The following NF2 variants were observed in gnomAD, a reference collection of about 807,000 sequenced individuals.
The protein encoded by NF2 is merlin.
NF2 carries 8 observed loss-of-function variants against 83.7 expected under a neutral mutation model. That is an observed-to-expected ratio of 0.10 (90% CI 0.06 to 0.17). The LOEUF (loss-of-function observed/expected upper bound fraction) is 0.17. NF2 is among the 10% of genes least tolerant of loss of function. The pLI is 1.00. For missense variants in NF2, 533 were observed against 744.4 expected, an observed-to-expected ratio of 0.72 and a Z score of 3.31; for synonymous variants, 266 against 269.6, an observed-to-expected ratio of 0.99 and a Z score of 0.13.
At chr22:29,641,693 G>T (rs2065815053) in intron 3 of NF2, among the ~76,000 whole-genome samples, 1 of 152,210 alleles carries the variant, frequency 6.6e-6, no homozygotes, top group Admixed American at 6.5e-5. Flanking sequence ...GTACTTAAAA[G>T]TTGAATCGAT....
In NF2 at chr22:29,697,401, A is replaced by T. The variant is rs2067582052; in HGVS notation, c.*2599A>T. The T allele has an allele frequency of 5.2e-6, 1 of 192,676 alleles. No individual in the cohort carries two copies. The highest frequency in any genetic ancestry group is 1.1e-5 in the Non-Finnish European group (1 of 92,172). The allele number at this position is 192,676 out of a possible 1,614,324, so 11.9% of individuals were successfully genotyped here. On this transcript the variant is annotated 3_prime_UTR_variant, in exon 16 of 16. Transcript: ENST00000338641. ...TGCAGGACCTTGCTCAGCCAGGAGC[A>T]CTTCCCCCTCCTTGAGGCAGGAATA...
intron 1 of NF2, among the ~76,000 whole-genome samples, chr22:29,624,572 A>T (rs76569291): frequency 6.6e-6 from 1 of 152,202 alleles, no homozygotes; most frequent in Non-Finnish European, 1.5e-5. Context: ...CCTGACCCGT[A>T]GTGAGCATTT....
chr22:29,632,220 G>T (rs1420654887), intron 1 of NF2, among the ~76,000 whole-genome samples: 3 of 152,098 alleles, frequency 2.0e-5, no homozygotes, highest in Non-Finnish European at 4.4e-5. Flanking sequence ...CCTCCAGCCA[G>T]ACTGAACTAT....
At chr22:29,683,019 G>A in intron 15 of NF2, 2 of 1,614,168 alleles carry the variant, frequency 1.2e-6, no homozygotes, top group African/African-American at 1.3e-5. Context: ...TGCTGGTTTA[G>A]CCTCAAGCCC....
intron 7 of NF2, among the ~76,000 whole-genome samples, chr22:29,659,756 A>G (rs2066422180): frequency 6.6e-6 from 1 of 152,200 alleles, no homozygotes; most frequent in South Asian, 2.1e-4. Context: ...CTAAATAGTC[A>G]GAAACTATTT....
chr22:29,678,307 G>A lies in NF2; in HGVS notation c.1558G>A (p.Glu520Lys). The A allele has an allele frequency of 6.2e-7, 1 of 1,613,926 alleles. No individual in the cohort carries two copies. The highest frequency in any genetic ancestry group is 8.5e-7 in the Non-Finnish European group (1 of 1,179,870). ...KDTDMKRLSM[E>K]IEKEKVEYME... ...TACTGACATGAAGCGGCTTTCCATG[G>A]AGATAGAGAAAGAAAAGTATGTAGC... The change falls in exon 14 of 16, where the codon GAG becomes AAG. Residue 520 changes from glutamate to lysine, a missense_variant. Glu to Lys is a moderately conservative substitution (Grantham distance 56). Transcript: ENST00000338641.
At chr22:29,639,881 C>CAAA (rs763315832) in intron 3 of NF2, among the ~76,000 whole-genome samples, 3 of 21,184 alleles carry the variant, frequency 1.4e-4, no homozygotes, top group Non-Finnish European at 1.9e-4. Flanking sequence ...GGTTCCGTCT[C>CAAA]AAAAAAAAAA....
intron 15 of NF2, among the ~76,000 whole-genome samples, chr22:29,689,906 T>A (rs1270426130): frequency 6.6e-6 from 1 of 152,236 alleles, no homozygotes; most frequent in Non-Finnish European, 1.5e-5. Flanking sequence ...CGTGCCGGAA[T>A]ACATTTAGTT....
At chr22:29,622,402 G>A (rs942658366) in intron 1 of NF2, among the ~76,000 whole-genome samples, 2 of 152,212 alleles carry the variant, frequency 1.3e-5, no homozygotes, top group South Asian at 4.1e-4. Flanking sequence ...TGAGGCTTAT[G>A]TTATAACAGT....
Position 29,639,005 on chromosome 22 carries a change from G to T in NF2, c.241-85G>T, listed in dbSNP as rs5763378. 0.35 allele frequency: 551,720 copies of T among 1,588,006 alleles called. 99,060 individuals carry two copies. The highest frequency in any genetic ancestry group is 0.51 in the South Asian group (45,751 of 89,978). ...AAATTTAGTGGGAAAAAAATTTAAT[G>T]CACGCCTTGCAAAGGCTTCTTTGAG... On this transcript the variant is annotated intron_variant, in intron 2 of 15. Transcript: ENST00000338641.
intron 10 of NF2, among the ~76,000 whole-genome samples, chr22:29,670,329 T>C (rs1601640855): frequency 6.6e-6 from 1 of 151,986 alleles, no homozygotes; most frequent in East Asian, 1.9e-4. Flanking sequence ...TCTTTCTTTC[T>C]TAGTTTCTTT....
At position 29,671,914 on chromosome 22, in the gene NF2, T is replaced by G. The variant is rs2066804849; in HGVS notation, c.1088T>G (p.Met363Arg). 6.2e-7 allele frequency: 1 copy of G among 1,614,144 alleles called. No homozygotes were observed. The change falls in exon 11 of 16, where the codon ATG (methionine) becomes AGG (arginine). Residue 363 changes from methionine (M) to arginine (R), a missense_variant. Around this residue, in one of 3 missense-constraint regions of NF2, gnomAD observed 326 missense variants for 475.1 expected, o/e 0.69. Transcript: ENST00000338641. ...GAGTTGGAGAGGAGGCTGCTGCAGA[T>G]GAAAGAAGAAGCAACAATGGCCAAC... ...RDELERRLLQMKEEATMANEA... is the reference protein window; with the variant it reads ...RDELERRLLQRKEEATMANEA...
At position 29,667,729 on chromosome 22, in the gene NF2, CTTT is replaced by C. The variant is rs369522956; in HGVS notation, c.886-599_886-597del. On this transcript the variant is annotated intron_variant, in intron 9 of 15. Transcript: ENST00000338641. ...TATCTTCCAGTTTGTTGCTCTTTTT[CTTT>C]TTTTATGTCTTGACAATAAGAATTT... 4.9e-3 allele frequency among the ~76,000 whole-genome samples: 746 copies of C among 152,134 alleles called. 3 individuals are homozygous for C. Among genetic ancestry groups the C allele is most frequent in the South Asian group, 0.023 (109 of 4,816 alleles).
intron 1 of NF2, among the ~76,000 whole-genome samples, chr22:29,630,651 C>T (rs909041841): frequency 1.3e-5 from 2 of 152,168 alleles, no homozygotes; most frequent in African/African-American, 4.8e-5. Context: ...TTCTTCTTCC[C>T]GCAAGTCACC....
rs147668225 is a variant in NF2, at chr22:29,625,564, T to C, written c.115-11187T>C. 7.4e-3 allele frequency among the ~76,000 whole-genome samples: 1,132 copies of C among 152,372 alleles called. 8 individuals carry two copies. Among genetic ancestry groups the C allele is most frequent in the Middle Eastern group, 0.014 (4 of 294 alleles). The stretch of plus-strand genomic sequence containing the variant: ...GGTGACGAGGCTTCTCAATTCTTGT[T>C]ACAGGATGATGTGTTCTGTCCTCCT... On this transcript the variant is annotated intron_variant, in intron 1 of 15. Transcript: ENST00000338641.
intron 1 of NF2, among the ~76,000 whole-genome samples, chr22:29,634,228 C>T (rs1244016937): frequency 2.6e-5 from 4 of 152,202 alleles, no homozygotes; most frequent in Non-Finnish European, 5.9e-5. Flanking sequence ...TACTCATGCT[C>T]ATTTCCAACT....
intron 1 of NF2, among the ~76,000 whole-genome samples, chr22:29,622,001 C>G (rs141447921): frequency 1.5e-3 from 223 of 152,258 alleles, no homozygotes; most frequent in African/African-American, 5.1e-3. Context: ...GTCTTTCAGG[C>G]CAGCCCTCTT....
intron 9 of NF2, among the ~76,000 whole-genome samples, chr22:29,666,431 A>G (rs1473708495): frequency 6.6e-6 from 1 of 151,794 alleles, no homozygotes; most frequent in South Asian, 2.1e-4. Context: ...GAGCCACTGC[A>G]CCCAGCCACT....
intron 1 of NF2, among the ~76,000 whole-genome samples, chr22:29,615,685 T>C (rs1405918823): frequency 6.6e-6 from 1 of 151,992 alleles, no homozygotes; most frequent in African/African-American, 2.4e-5. Flanking sequence ...CAGTTAGCTG[T>C]GATTGTGGTG....
Sources: gnomAD v4.1 joint callset for allele counts (sites outside exome capture counted in the v4.1 genomes callset) on GRCh38, gnomAD v4.1.1 for gene constraint, gnomAD v4.1.1 regional missense constraint, MANE v1.5 for transcripts, NCBI Gene and HGNC (gene_info 2026-07-23, HGNC 2026-07-21) for gene names.